MYO16: variants seen among roughly 807,000 people sequenced by gnomAD.
MYO16 encodes the protein unconventional myosin-XVI.
In MYO16, 94 loss-of-function variants were observed where a neutral mutation model predicts 205.3. The ratio of observed to expected loss-of-function variants is 0.46; its 90% CI spans 0.39 to 0.54. The LOEUF (loss-of-function observed/expected upper bound fraction) is 0.54, where lower values mean the gene tolerates loss of function less well. MYO16 is among the 20% of genes least tolerant of loss of function. MYO16 has a pLI of 0.00. For synonymous variants in MYO16, 988 were observed against 954.0 expected (o/e 1.04, Z -0.66); for missense variants, 2,315 against 2,387.5 (o/e 0.97, Z 0.63).
upstream of MYO16, among the ~76,000 whole-genome samples, chr13:108,593,646 A>T (rs1408469267): frequency 6.6e-6 from 1 of 152,216 alleles, no homozygotes; most frequent in Non-Finnish European, 1.5e-5. Flanking sequence ...AACAGGTGTG[A>T]CTAGCTACTG....
chr13:109,000,707 C>T (rs1181946977), intron 21 of MYO16, among the ~76,000 whole-genome samples: 2 of 152,072 alleles, frequency 1.3e-5, no homozygotes, highest in Non-Finnish European at 2.9e-5. Flanking sequence ...ATGTTTCTAA[C>T]TCTTGGGCAT....
chr13:108,907,074 G>A (rs1157740), intron 15 of MYO16, among the ~76,000 whole-genome samples: 140,050 of 152,236 alleles, frequency 0.92, 64,635 homozygotes, highest in Non-Finnish European at 0.96. Context: ...CTAAGTGGTC[G>A]TGTACCCATA....
intron 20 of MYO16, among the ~76,000 whole-genome samples, chr13:108,970,045 T>C (rs140216939): frequency 2.2e-4 from 34 of 152,328 alleles, no homozygotes; most frequent in Non-Finnish European, 3.7e-4. Flanking sequence ...TTAAGAAAAT[T>C]GCAAACCTTT....
In MYO16 at chr13:109,019,704, C is replaced by G; in HGVS notation, c.2596-7C>G. The G allele has an allele frequency of 6.2e-7, 1 of 1,609,640 alleles. No individual in the cohort carries two copies. Among genetic ancestry groups the G allele is most frequent in the Non-Finnish European group, 8.5e-7 (1 of 1,176,554 alleles). On this transcript the variant is annotated splice_region_variant and splice_polypyrimidine_tract_variant and intron_variant, in intron 22 of 34. Transcript: ENST00000457511. ...AAAACAACTCCCCATCTCTTCTTAA[C>G]TCTCAGAAGCCATCTGGATTTCTCA...
chr13:108,566,741 GGAAGGAAGGAAGGAAGGAAGGA>G, the MYO16 span, among the ~76,000 whole-genome samples: 4 of 59,938 alleles, frequency 6.7e-5, no homozygotes, highest in African/African-American at 2.3e-4. Context: ...AAGGGAGGAA[GGAAGGAAGGAAGGAAGGAAGGA>G]AGGAAGGAAG....
rs567030370 is a variant in MYO16 at position 109,204,091 on chromosome 13, T to A, written c.5416-2518T>A. Among the ~76,000 whole-genome samples the A allele has an allele frequency of 3.9e-5, 6 of 152,358 alleles. No individual in the cohort carries two copies. The South Asian group carries it at 1.0e-3, about 26-fold the overall frequency. ...TCAAAAAGCTTCACTCCATCTGGAA[T>A]TCTCTCCATTTGTCAGAATTTCCTG... On this transcript the variant is annotated intron_variant, in intron 34 of 34. Coordinates refer to ENST00000457511, the MANE Select transcript of MYO16 (RefSeq NM_001198950.3).
At position 108,897,115 on chromosome 13, in the gene MYO16, C is replaced by T. The variant is rs181961834; in HGVS notation, c.1660-901C>T. ...ACACTAGGGAACAGGAAAACTAGTC[C>T]GTGTATCAATAAGGTGTTATTGTAC... On this transcript the variant is annotated intron_variant, in intron 14 of 34. Transcript: ENST00000457511. Among the ~76,000 whole-genome samples the T allele has an allele frequency of 5.3e-5, 8 of 152,196 alleles. No individual in the cohort carries two copies. The East Asian group carries it at 1.3e-3, about 26-fold the overall frequency.
chr13:108,811,615 A>C (rs1317037123), intron 7 of MYO16, among the ~76,000 whole-genome samples: 1 of 150,970 alleles, frequency 6.6e-6, no homozygotes, highest in African/African-American at 2.4e-5. Context: ...TCATTTGTTC[A>C]CCACAAAACT....
In MYO16 at chr13:109,127,373, C is replaced by T. The variant is rs1340952427; in HGVS notation, c.3874C>T (p.Pro1292Ser). 6.2e-7 allele frequency: 1 copy of T among 1,613,856 alleles called. No homozygotes were observed. Among genetic ancestry groups the T allele is most frequent in the Non-Finnish European group, 8.5e-7 (1 of 1,179,936 alleles). Residue 1292 changes from proline to serine, a missense_variant, in exon 31 of 35, where the codon CCG (proline) becomes TCG (serine). By Grantham distance (74) the Pro-to-Ser change is moderately conservative (BLOSUM62 -1). This residue lies in a region of MYO16 where 1,097 missense variants were observed against 1,092.0 expected (regional missense o/e 1.00). Coordinates refer to ENST00000457511, the MANE Select transcript of MYO16 (RefSeq NM_001198950.3). The surrounding 1 kb of genome is among the most constrained non-coding windows in gnomAD (Gnocchi z 4.2). ...VDGLGQCLVG[P>S]SIWSPSLHSV... ...TGGCCTGGGCCAGTGCCTCGTTGGC[C>T]CGTCCATCTGGTCTCCTTCGCTGCA...
intron 34 of MYO16, among the ~76,000 whole-genome samples, chr13:109,187,156 C>A (rs1384832865): frequency 6.6e-6 from 1 of 152,096 alleles, no homozygotes; most frequent in Non-Finnish European, 1.5e-5. Flanking sequence ...CCAAATACAT[C>A]CTTTTCTTAT....
intron 20 of MYO16, among the ~76,000 whole-genome samples, chr13:108,982,474 G>A (rs971013246): frequency 1.3e-5 from 2 of 152,056 alleles, no homozygotes; most frequent in South Asian, 2.1e-4. Flanking sequence ...ACTAATAAAA[G>A]CATAATAAGT....
chr13:108,823,511 G>A lies in MYO16; in HGVS notation c.1097+233G>A, dbSNP rs560011989. Among the ~76,000 whole-genome samples, 9 of 152,154 alleles carry A rather than the reference G, an allele frequency of 5.9e-5. No homozygotes were observed. The South Asian group carries it at 1.7e-3, about 28-fold the overall frequency. On this transcript the variant is annotated intron_variant, in intron 9 of 34. Coordinates refer to ENST00000457511, the MANE Select transcript of MYO16 (RefSeq NM_001198950.3). ...ATCAGTTATTAAATCAATTTCATGT[G>A]CCATGAGACCAAATAATATTTTAAA...
At chr13:108,840,448 G>C (rs1352672070) in intron 9 of MYO16, among the ~76,000 whole-genome samples, 7 of 152,032 alleles carry the variant, frequency 4.6e-5, no homozygotes, top group Non-Finnish European at 1.0e-4. Context: ...CTCTCTTCTT[G>C]CTATGTCAAG....
chr13:109,022,083 A>G (rs1357167434), intron 23 of MYO16, among the ~76,000 whole-genome samples: 2 of 147,078 alleles, frequency 1.4e-5, no homozygotes, highest in Non-Finnish European at 3.0e-5. Context: ...ATGTATATGT[A>G]TGTATAATAT....
intron 3 of MYO16, among the ~76,000 whole-genome samples, chr13:108,719,515 G>A (rs764377251): frequency 3.3e-5 from 5 of 151,834 alleles, no homozygotes; most frequent in Non-Finnish European, 7.4e-5. Flanking sequence ...TTCTGCCTGC[G>A]TCATCCCCCA....
the MYO16 span, among the ~76,000 whole-genome samples, chr13:108,516,330 C>A: frequency 6.6e-6 from 1 of 151,804 alleles, no homozygotes; most frequent in Non-Finnish European, 1.5e-5. Context: ...CGCCCTGCTT[C>A]GGCTCGCGCA....
intron 7 of MYO16, among the ~76,000 whole-genome samples, chr13:108,816,043 A>G (rs143916921): frequency 2.6e-4 from 39 of 152,340 alleles, no homozygotes; most frequent in African/African-American, 9.4e-4. Context: ...AGGCAATTCA[A>G]TAAGAAAAAA....
At chr13:108,766,649 C>T (rs947100234) in intron 4 of MYO16, among the ~76,000 whole-genome samples, 2 of 152,224 alleles carry the variant, frequency 1.3e-5, no homozygotes, top group African/African-American at 4.8e-5. Flanking sequence ...TAGCGCCCAA[C>T]AAGATGTGCG....
intron 16 of MYO16, among the ~76,000 whole-genome samples, chr13:108,926,056 G>T (rs983299490): frequency 6.6e-6 from 1 of 152,290 alleles, no homozygotes; most frequent in East Asian, 1.9e-4. Flanking sequence ...TCAGAGCCGC[G>T]TGCTCCATGG....
Sources: allele counts gnomAD v4.1 joint callset (sites outside exome capture counted in the v4.1 genomes callset), GRCh38; gene constraint gnomAD v4.1.1; regional missense constraint gnomAD v4.1.1; non-coding constraint Gnocchi (gnomAD v3.1); transcripts MANE v1.5; gene names NCBI Gene and HGNC (gene_info 2026-07-23, HGNC 2026-07-21).